UNC80: variants seen among roughly 807,000 people sequenced by gnomAD.
UNC80 encodes the protein protein unc-80 homolog.
Under a neutral mutation model 384.6 loss-of-function variants are expected in UNC80, and 164 were observed. The observed-to-expected ratio is 0.43, with a 90% CI of 0.38 to 0.49. The LOEUF is 0.49. UNC80 is among the 20% of genes least tolerant of loss of function. The pLI, the probability that UNC80 is intolerant of heterozygous loss-of-function variation, is 0.00. For missense variants in UNC80, 3,330 were observed against 4,143.0 expected, an observed-to-expected ratio of 0.80 and a Z score of 5.39; for synonymous variants, 1,486 against 1,527.8, an observed-to-expected ratio of 0.97 and a Z score of 0.64.
In UNC80 at chr2:209,945,108, C is replaced by T; in HGVS notation, c.7108C>T (p.Leu2370=). The T allele has an allele frequency of 6.4e-7, 1 of 1,551,706 alleles. No homozygotes were observed. Among genetic ancestry groups the T allele is most frequent in the East Asian group, 2.4e-5 (1 of 40,908 alleles). Residue 2370 remains leucine, a synonymous_variant, in exon 46 of 65, where the codon CTG becomes TTG. Transcript: ENST00000673920. ...GTCAGCTCAGTGCCTGTTTGACTTG[C>T]TGCAGTCCCTAGAGGGAGAGACCAC... ...GVSAQCLFDL[L]QSLEGETTDI...
chr2:209,792,638 C>G (rs537998891), intron 6 of UNC80, among the ~76,000 whole-genome samples: 1 of 152,112 alleles, frequency 6.6e-6, no homozygotes, highest in Non-Finnish European at 1.5e-5. Context: ...TGAGCCACCG[C>G]GCCCGGTTCC....
At chr2:209,813,529 C>T (rs2079515422) in intron 7 of UNC80, 51 bp from the exon 8 acceptor site, 2 of 1,525,504 alleles carry the variant, frequency 1.3e-6, no homozygotes, top group African/African-American at 1.4e-5. Flanking sequence ...TGTGCTGCCC[C>T]TCTGAAAGCT....
intron 25 of UNC80, 22 bp from the exon 26 acceptor site, chr2:209,888,073 G>C (rs1574897584): frequency 1.3e-6 from 2 of 1,551,528 alleles, no homozygotes; most frequent in Non-Finnish European, 1.7e-6. Flanking sequence ...CAGCACTCAT[G>C]TGCTCCTCAC....
intron 35 of UNC80, among the ~76,000 whole-genome samples, chr2:209,925,538 T>G (rs999146954): frequency 6.6e-6 from 1 of 151,988 alleles, no homozygotes; most frequent in African/African-American, 2.4e-5. Context: ...TCCCTTATTT[T>G]ATTTTATTCC....
Position 209,872,983 on chromosome 2 carries a change from T to G in UNC80, c.3840+13T>G. ...CCAATGGGGAGACGTGAGCTTTCGG[T>G]TTTCTTCTATAACAATTAGGTTGCT... is the stretch of plus-strand genomic sequence containing the variant. On this transcript the variant is annotated intron_variant, in intron 23 of 64. Transcript: ENST00000673920. This position sits in a 1 kb window ranked among gnomAD's most constrained non-coding sequence, Gnocchi z 4.1. 3 of 1,550,702 alleles carry G rather than the reference T, an allele frequency of 1.9e-6. No individual in the cohort carries two copies. The highest frequency in any genetic ancestry group is 1.2e-5 in the South Asian group (1 of 84,006).
Position 209,836,042 on chromosome 2 carries a change from A to G in UNC80, c.3041+1032A>G, listed in dbSNP as rs183531911. 2.6e-5 allele frequency among the ~76,000 whole-genome samples: 4 copies of G among 152,348 alleles called. No individual in the cohort carries two copies. In the East Asian group the frequency reaches 7.7e-4, roughly 29 times the overall value. Reference sequence around the variant, plus strand: ...AGTTTTTGCATATGGCTATAGCCCCAGTATGGAGACTAGGCTTGCTCATAC... The same window carrying G: ...AGTTTTTGCATATGGCTATAGCCCCGGTATGGAGACTAGGCTTGCTCATAC... On this transcript the variant is annotated intron_variant, in intron 18 of 64. Coordinates refer to ENST00000673920, the MANE Select transcript of UNC80 (RefSeq NM_001371986.1).
intron 6 of UNC80, among the ~76,000 whole-genome samples, chr2:209,792,363 T>C (rs1187066002): frequency 6.6e-6 from 1 of 152,216 alleles, no homozygotes; most frequent in Non-Finnish European, 1.5e-5. Flanking sequence ...TTGCTTTGTT[T>C]TTGAGACGGA....
chr2:209,906,169 A>G lies in UNC80; in HGVS notation c.4782+1204A>G, dbSNP rs148780383. On this transcript the variant is annotated intron_variant, in intron 29 of 64. Coordinates refer to ENST00000673920, the MANE Select transcript of UNC80 (RefSeq NM_001371986.1). ...GAGATAATATGTACATCAAACAATG[A>G]GAGAACATGAGCAATAACAACAAAA... Among the ~76,000 whole-genome samples, 725 of 152,308 alleles carry G rather than the reference A, an allele frequency of 4.8e-3. 7 individuals are homozygous for G. The highest frequency in any genetic ancestry group is 0.017 in the African/African-American group (699 of 41,552).
chr2:209,842,201 AC>A (rs1394279574), intron 20 of UNC80, 148 bp from the exon 21 acceptor site: 4 of 593,276 alleles, frequency 6.7e-6, no homozygotes, highest in Non-Finnish European at 8.7e-6. Flanking sequence ...TACACTGATG[AC>A]CAAACTAACC....
At chr2:209,979,227 C>T (rs949874168) in intron 59 of UNC80, among the ~76,000 whole-genome samples, 3 of 152,180 alleles carry the variant, frequency 2.0e-5, no homozygotes, top group African/African-American at 7.2e-5. Flanking sequence ...CCAGCCTGGG[C>T]AACAGAGCGA....
intron 22 of UNC80, among the ~76,000 whole-genome samples, chr2:209,871,951 A>T (rs2084337727): frequency 6.6e-6 from 1 of 151,592 alleles, no homozygotes; most frequent in African/African-American, 2.4e-5. Context: ...AGTATAATCC[A>T]GTCAGTTATT....
chr2:209,898,609 G>A (rs771112284), intron 28 of UNC80, among the ~76,000 whole-genome samples: 13 of 151,988 alleles, frequency 8.6e-5, no homozygotes, highest in Non-Finnish European at 1.3e-4. Flanking sequence ...AGCATTTATC[G>A]TTTGTGTTAC....
chr2:209,918,485 C>T, intron 32 of UNC80, 47 bp from the exon 33 acceptor site: 1 of 1,535,978 alleles, frequency 6.5e-7, no homozygotes, highest in Non-Finnish European at 8.8e-7. Context: ...CAGCCTCATT[C>T]TAGCTTATAT....
chr2:209,972,100 C>A, intron 54 of UNC80, 101 bp from the exon 55 acceptor site: 1 of 1,398,104 alleles, frequency 7.2e-7, no homozygotes, highest in Non-Finnish European at 9.5e-7. Context: ...TTTACAGGAG[C>A]AGCCAGCAGG....
intron 21 of UNC80, among the ~76,000 whole-genome samples, chr2:209,849,034 A>G (rs556921701): frequency 6.6e-6 from 1 of 152,264 alleles, no homozygotes; most frequent in East Asian, 1.9e-4. Flanking sequence ...CAATGTACAC[A>G]TTATACACAA....
intron 28 of UNC80, among the ~76,000 whole-genome samples, chr2:209,902,759 C>T (rs1559296636): frequency 6.6e-6 from 1 of 152,092 alleles, no homozygotes; most frequent in Non-Finnish European, 1.5e-5. Context: ...TATTGCACAC[C>T]TAATAGACTA....
In UNC80 at chr2:209,834,058, T is replaced by C. The variant is rs1446806743; in HGVS notation, c.2832T>C (p.Asn944=). 4.5e-6 allele frequency: 7 copies of C among 1,551,616 alleles called. No homozygotes were observed. The highest frequency in any genetic ancestry group is 5.2e-6 in the Non-Finnish European group (6 of 1,146,988). ...AGTTTATCAAAGAGGCTCATGGGAA[T>C]GTCTTCAGGAGAGTGGCCCTCAGCG... ...LVQFIKEAHG[N]VFRRVALSAL... The change falls in exon 17 of 65, where the codon AAT becomes AAC. Residue 944 remains asparagine (N), a synonymous_variant. Coordinates refer to ENST00000673920, the MANE Select transcript of UNC80 (RefSeq NM_001371986.1).
intron 42 of UNC80, among the ~76,000 whole-genome samples, chr2:209,938,046 G>A (rs533961192): frequency 6.6e-6 from 1 of 151,958 alleles, no homozygotes; most frequent in South Asian, 2.1e-4. Context: ...GAAAAAAAAA[G>A]CATTAAACTA....
chr2:209,940,757 C>T (rs1212861763), intron 43 of UNC80, among the ~76,000 whole-genome samples: 1 of 152,156 alleles, frequency 6.6e-6, no homozygotes, highest in Non-Finnish European at 1.5e-5. Context: ...ATGGAGGTTG[C>T]AGTGAGCCGA....
Sources: gnomAD v4.1 joint callset for allele counts (sites outside exome capture counted in the v4.1 genomes callset) on GRCh38, gnomAD v4.1.1 for gene constraint, Gnocchi (gnomAD v3.1) non-coding constraint, MANE v1.5 for transcripts, NCBI Gene and HGNC (gene_info 2026-07-23, HGNC 2026-07-21) for gene names.